Variants in SAMSN1 observed in about 807,000 individuals in gnomAD.
SAMSN1 encodes SAM domain-containing protein SAMSN-1.
SAMSN1 carries 31 observed loss-of-function variants against 42.0 expected under a neutral mutation model. The ratio of observed to expected loss-of-function variants is 0.74; its 90% confidence interval spans 0.55 to 1.00. The LOEUF (loss-of-function observed/expected upper bound fraction) is 1.00, where lower values mean the gene tolerates loss of function less well. Ranked by LOEUF, SAMSN1 falls within the 50% of genes least tolerant of loss-of-function variation. The probability of loss-of-function intolerance (pLI) is 0.00; values close to 1 mark genes in which losing one functional copy is unlikely to be tolerated. For missense variants in SAMSN1, 464 were observed against 439.4 expected, an observed-to-expected ratio of 1.06 and a Z score of -0.50; for synonymous variants, 178 against 151.9, an observed-to-expected ratio of 1.17 and a Z score of -1.26.
At chr21:14,629,175 A>G (rs1292078307) in intron 2 of SAMSN1, among the ~76,000 whole-genome samples, 1 of 152,184 alleles carries the variant, frequency 6.6e-6, no homozygotes, top group African/African-American at 2.4e-5. Flanking sequence ...ACATGTCACT[A>G]CTAAATAACT....
chr21:14,568,356 C>T (rs1256456193), intron 2 of SAMSN1, among the ~76,000 whole-genome samples: 1 of 152,158 alleles, frequency 6.6e-6, no homozygotes, highest in Non-Finnish European at 1.5e-5. Flanking sequence ...AAGTGTGCCA[C>T]TGTATGACAG....
intron 1 of SAMSN1, among the ~76,000 whole-genome samples, chr21:14,534,360 C>A (rs1979460211): frequency 6.6e-6 from 1 of 152,054 alleles, no homozygotes; most frequent in Non-Finnish European, 1.5e-5. Context: ...CCCAGGGATG[C>A]AAATATGAGT....
chr21:14,580,847 C>T (rs1981684276), intron 2 of SAMSN1, among the ~76,000 whole-genome samples: 1 of 152,078 alleles, frequency 6.6e-6, no homozygotes, highest in African/African-American at 2.4e-5. Flanking sequence ...AGAGTAGGCT[C>T]CCTGGATACA....
chr21:14,612,030 C>T (rs1248801936), intron 4 of SAMSN1, among the ~76,000 whole-genome samples: 2 of 152,178 alleles, frequency 1.3e-5, no homozygotes, highest in South Asian at 2.1e-4. Flanking sequence ...GTCAAGAGAT[C>T]GAGACCATCC....
At chr21:14,581,426 T>C (rs1981725080) in intron 2 of SAMSN1, among the ~76,000 whole-genome samples, 1 of 128,164 alleles carries the variant, frequency 7.8e-6, no homozygotes, top group Non-Finnish European at 1.6e-5. Flanking sequence ...TGGCGCGATC[T>C]CGGCTCACTG....
At chr21:14,626,881 T>G (rs990327827) in intron 2 of SAMSN1, among the ~76,000 whole-genome samples, 1 of 152,166 alleles carries the variant, frequency 6.6e-6, no homozygotes, top group Non-Finnish European at 1.5e-5. Context: ...CCAACCCAAA[T>G]GTCCATCAAT....
At chr21:14,504,259 C>A (rs1987304108) in intron 5 of SAMSN1, among the ~76,000 whole-genome samples, 1 of 152,054 alleles carries the variant, frequency 6.6e-6, no homozygotes, top group Non-Finnish European at 1.5e-5. Flanking sequence ...AGAAGAAATC[C>A]CTGATTTACC....
At chr21:14,629,040 A>T (rs568713492) in intron 2 of SAMSN1, among the ~76,000 whole-genome samples, 1 of 152,242 alleles carries the variant, frequency 6.6e-6, no homozygotes, top group East Asian at 1.9e-4. Flanking sequence ...CTACTACCTG[A>T]TACTACTTCT....
chr21:14,610,571 AT>A (rs1246914491), intron 4 of SAMSN1, among the ~76,000 whole-genome samples: 1 of 151,858 alleles, frequency 6.6e-6, no homozygotes, highest in Non-Finnish European at 1.5e-5. Flanking sequence ...AAAATTGCTA[AT>A]AAAAACCTGC....
At chr21:14,617,819 A>G (rs949394082) in intron 2 of SAMSN1, among the ~76,000 whole-genome samples, 3 of 152,232 alleles carry the variant, frequency 2.0e-5, no homozygotes, top group Non-Finnish European at 4.4e-5. Context: ...TTAATTCCAG[A>G]TGGCTCACAA....
chr21:14,541,578 A>G (rs1443393700), intron 1 of SAMSN1, among the ~76,000 whole-genome samples: 2 of 152,316 alleles, frequency 1.3e-5, no homozygotes, highest in Admixed American at 1.3e-4. Flanking sequence ...TGTATTTTAT[A>G]TGTGGTCCAA....
At chr21:14,645,758 A>T (rs2123386550) in intron 1 of SAMSN1, among the ~76,000 whole-genome samples, 1 of 152,348 alleles carries the variant, frequency 6.6e-6, no homozygotes, top group East Asian at 1.9e-4. Flanking sequence ...AAAGAAATTC[A>T]AAATAACACG....
chr21:14,625,706 A>G (rs1983148277), intron 2 of SAMSN1, among the ~76,000 whole-genome samples: 1 of 152,202 alleles, frequency 6.6e-6, no homozygotes, highest in Non-Finnish European at 1.5e-5. Context: ...ACACTGCCCA[A>G]AGTAATTTAC....
At chr21:14,589,151 A>G (rs976511296) in intron 7 of SAMSN1, among the ~76,000 whole-genome samples, 1 of 152,158 alleles carries the variant, frequency 6.6e-6, no homozygotes, top group African/African-American at 2.4e-5. Flanking sequence ...TTTTTAGAAG[A>G]TAGCATCAAT....
At chr21:14,585,252 A>C (rs1374539664), upstream of SAMSN1, 1 of 152,164 alleles carries the variant, frequency 6.6e-6, no homozygotes, top group Non-Finnish European at 1.5e-5. Flanking sequence ...TTTACAACTC[A>C]GGAAAGGCCA....
chr21:14,601,033 A>C (rs898280019), intron 6 of SAMSN1, among the ~76,000 whole-genome samples: 5 of 152,210 alleles, frequency 3.3e-5, no homozygotes, highest in Non-Finnish European at 7.3e-5. Context: ...TTTTTTATAG[A>C]TGTATTTTAC....
intron 2 of SAMSN1, among the ~76,000 whole-genome samples, chr21:14,632,017 T>C (rs559957829): frequency 6.6e-6 from 1 of 152,202 alleles, no homozygotes. Flanking sequence ...GAATAAGATA[T>C]GCTGTTTAGG....
rs954038777 is a variant in SAMSN1, at chr21:14,485,755, A to T, written c.*157T>A. On this transcript the variant is annotated 3_prime_UTR_variant, in exon 8 of 8. Transcript: ENST00000400566. ...TATTGACAGTAATTTGGAATGTTAG[A>T]GATACAAAATTTTATGTACAATTAT... 7.1e-6 allele frequency: 4 copies of T among 564,544 alleles called. No individual in the cohort carries two copies. The highest frequency in any genetic ancestry group is 1.2e-5 in the Non-Finnish European group (4 of 321,266). 35.0% of individuals were successfully genotyped at this position (564,544 alleles called of 1,614,324 possible).
At chr21:14,486,594 C>G (rs1003540941) in intron 7 of SAMSN1, among the ~76,000 whole-genome samples, 1 of 152,092 alleles carries the variant, frequency 6.6e-6, no homozygotes, top group Non-Finnish European at 1.5e-5. Context: ...TAAATTATCA[C>G]TATAAGTAAG....
Sources: allele counts gnomAD v4.1 joint callset (sites outside exome capture counted in the v4.1 genomes callset), GRCh38; gene constraint gnomAD v4.1.1; transcripts MANE v1.5; gene names NCBI Gene and HGNC (gene_info 2026-07-23, HGNC 2026-07-21).